Variants in GPA33 observed in about 807,000 individuals in gnomAD.
The protein encoded by GPA33 is glycoprotein A33, also known as cell surface A33 antigen.
Under a neutral mutation model 35.6 loss-of-function variants are expected in GPA33, and 27 were observed. The observed-to-expected ratio is 0.76, with a 90% CI of 0.56 to 1.04. The LOEUF (loss-of-function observed/expected upper bound fraction) is 1.04. Among genes scored for constraint, GPA33 ranks in the 50% least tolerant of loss-of-function variants. GPA33 has a pLI of 0.00. For missense variants in GPA33, 428 were observed against 411.9 expected (o/e 1.04, Z -0.34); for synonymous variants, 176 against 164.0 (o/e 1.07, Z -0.56).
At chr1:167,058,885 G>T (rs987248671) in intron 4 of GPA33, among the ~76,000 whole-genome samples, 24 of 152,312 alleles carry the variant, frequency 1.6e-4, no homozygotes, top group Non-Finnish European at 2.8e-4. Flanking sequence ...TTTGCTAAAT[G>T]AATCGGATTT....
At chr1:167,056,709 A>AT (rs1666285963) in intron 4 of GPA33, among the ~76,000 whole-genome samples, 1 of 4,476 alleles carries the variant, frequency 2.2e-4, no homozygotes. Context: ...TGGTGTGTGT[A>AT]GTGTGTGTGT....
At chr1:167,069,953 A>C (rs1666682913) in intron 2 of GPA33, among the ~76,000 whole-genome samples, 2 of 152,224 alleles carry the variant, frequency 1.3e-5, no homozygotes, top group Non-Finnish European at 2.9e-5. Context: ...GCACCCAAAG[A>C]GTGATGGAAG....
At chr1:167,063,166 G>A (rs572756404) in intron 4 of GPA33, among the ~76,000 whole-genome samples, 1 of 152,190 alleles carries the variant, frequency 6.6e-6, no homozygotes, top group African/African-American at 2.4e-5. Context: ...GATGGCTCAC[G>A]CCTGTAATCC....
intron 1 of GPA33, among the ~76,000 whole-genome samples, chr1:167,078,254 G>A (rs1666862802): frequency 6.6e-6 from 1 of 152,194 alleles, no homozygotes; most frequent in African/African-American, 2.4e-5. Context: ...AGGGAGATAA[G>A]ATAGATGCCC....
chr1:167,073,766 T>C (rs566938746), intron 1 of GPA33, among the ~76,000 whole-genome samples: 1 of 152,286 alleles, frequency 6.6e-6, no homozygotes, highest in African/African-American at 2.4e-5. Context: ...CACAGCATGA[T>C]GAATTGCCTG....
rs1016166195 is a variant in GPA33, at chr1:167,061,225, T to A, written c.571+2357A>T. On this transcript the variant is annotated intron_variant, in intron 4 of 6. Transcript: ENST00000367868. ...TACCCACTCCTTGGAGAAACCTTCT[T>A]TGATCTTCTTATGCATCTTCTGTGT... Among the ~76,000 whole-genome samples, 29 of 152,362 alleles carry A rather than the reference T, an allele frequency of 1.9e-4. 1 individual carries two copies. Among genetic ancestry groups the A allele is most frequent in the Middle Eastern group, 3.4e-3 (1 of 294 alleles).
chr1:167,076,275 G>A (rs10918618), intron 1 of GPA33, among the ~76,000 whole-genome samples: 34,368 of 152,098 alleles, frequency 0.23, 4,145 homozygotes, highest in Non-Finnish European at 0.27. Flanking sequence ...CTGGGGGTAC[G>A]GTGTTATGGG....
intron 1 of GPA33, among the ~76,000 whole-genome samples, chr1:167,089,029 T>A (rs1667107694): frequency 6.6e-6 from 1 of 152,226 alleles, no homozygotes; most frequent in African/African-American, 2.4e-5. Context: ...GATAAAGGAA[T>A]GAGCCAACCA....
In GPA33 at chr1:167,054,582, A is replaced by G. The variant is rs1041897596; in HGVS notation, c.828-116T>C. The G allele has an allele frequency of 6.3e-6, 8 of 1,271,024 alleles. No individual in the cohort carries two copies. The African/African-American group carries it at 1.0e-4, about 16-fold the overall frequency. The allele number at this position is 1,271,024 out of a possible 1,614,324, so 78.7% of individuals were successfully genotyped here. ...CCTCCAGACCTCCTCCCCACCCACC[A>G]GCTGCAGAGGACACTGGGCTGAAAG... On this transcript the variant is annotated intron_variant, in intron 6 of 6. Transcript: ENST00000367868.
chr1:167,088,891 C>G (rs1667105976), intron 1 of GPA33, among the ~76,000 whole-genome samples: 1 of 152,168 alleles, frequency 6.6e-6, no homozygotes, highest in African/African-American at 2.4e-5. Context: ...GCCTCCCTCT[C>G]TCAGGCCCTG....
intron 5 of GPA33, 25 bp downstream of exon 5, chr1:167,055,705 C>T (rs1446204846): frequency 6.2e-7 from 1 of 1,612,324 alleles, no homozygotes; most frequent in Non-Finnish European, 8.5e-7. Context: ...CGTTTGTCAG[C>T]CCTCCCCCCG....
intron 1 of GPA33, among the ~76,000 whole-genome samples, chr1:167,089,004 G>C (rs978197904): frequency 1.3e-5 from 2 of 152,200 alleles, no homozygotes; most frequent in Non-Finnish European, 2.9e-5. Flanking sequence ...TATGTGCTCA[G>C]TAAAGAGTTG....
At chr1:167,063,257 G>A (rs372351177) in intron 4 of GPA33, among the ~76,000 whole-genome samples, 3 of 152,186 alleles carry the variant, frequency 2.0e-5, no homozygotes, top group African/African-American at 4.8e-5. Context: ...GTGAAACCCC[G>A]TCTCTACTAA....
At chr1:167,061,595 T>C (rs1258533208) in intron 4 of GPA33, among the ~76,000 whole-genome samples, 5 of 137,566 alleles carry the variant, frequency 3.6e-5, no homozygotes, top group African/African-American at 1.4e-4. Context: ...TGTTTTTTTT[T>C]TTTTTTTTTT....
intron 3 of GPA33, among the ~76,000 whole-genome samples, chr1:167,067,551 T>A (rs919211704): frequency 6.6e-6 from 1 of 152,180 alleles, no homozygotes; most frequent in African/African-American, 2.4e-5. Flanking sequence ...GGAGTGTGCA[T>A]TAATACTTCC....
intron 2 of GPA33, among the ~76,000 whole-genome samples, chr1:167,070,143 T>C (rs1402927104): frequency 2.6e-5 from 4 of 151,950 alleles, no homozygotes; most frequent in Non-Finnish European, 5.9e-5. Flanking sequence ...GAGTAAGTGT[T>C]GGAGTAGGAT....
At chr1:167,086,390 T>C (rs1667047799) in intron 1 of GPA33, among the ~76,000 whole-genome samples, 1 of 152,166 alleles carries the variant, frequency 6.6e-6, no homozygotes, top group Admixed American at 6.5e-5. Flanking sequence ...AGGTCCAGGG[T>C]CTCATCAGAA....
intron 1 of GPA33, among the ~76,000 whole-genome samples, chr1:167,077,672 GA>G (rs1666851922): frequency 6.6e-6 from 1 of 152,168 alleles, no homozygotes; most frequent in Admixed American, 6.5e-5. Context: ...TTAGACAATG[GA>G]GTGTCTAATT....
chr1:167,065,022 G>A (rs1299111280), intron 3 of GPA33, among the ~76,000 whole-genome samples: 1 of 152,188 alleles, frequency 6.6e-6, no homozygotes, highest in African/African-American at 2.4e-5. Flanking sequence ...TTTCTGGGAA[G>A]CTTAAGCCTG....
Sources: gnomAD v4.1 joint callset for allele counts (sites outside exome capture counted in the v4.1 genomes callset) on GRCh38, gnomAD v4.1.1 for gene constraint, MANE v1.5 for transcripts, NCBI Gene and HGNC (gene_info 2026-07-23, HGNC 2026-07-21) for gene names.